OR4E2: variants seen among roughly 807,000 people sequenced by gnomAD.
OR4E2 encodes olfactory receptor family 4 subfamily E member 2.
Under a neutral mutation model 11.0 loss-of-function variants are expected in OR4E2, and 9 were observed. The observed-to-expected ratio is 0.82, with a 90% CI of 0.49 to 1.43. The LOEUF is 1.43. OR4E2 is among the 40% of genes most tolerant of loss of function. The probability of loss-of-function intolerance (pLI) is 0.00; values close to 1 mark genes in which losing one functional copy is unlikely to be tolerated. For synonymous variants in OR4E2, 159 were observed against 147.3 expected, an observed-to-expected ratio of 1.08 and a Z score of -0.57; for missense variants, 441 against 382.0, an observed-to-expected ratio of 1.15 and a Z score of -1.29.
intron 3 of OR4E2, among the ~76,000 whole-genome samples, chr14:21,662,118 G>T (rs1880360447): frequency 7.5e-6 from 1 of 132,648 alleles, no homozygotes; most frequent in African/African-American, 2.9e-5. Context: ...GTCATTTGAA[G>T]TTCTTTTTCT....
intron 1 of OR4E2, among the ~76,000 whole-genome samples, chr14:21,656,234 C>T (rs534907240): frequency 1.3e-5 from 2 of 150,940 alleles, no homozygotes; most frequent in African/African-American, 4.9e-5. Flanking sequence ...TTGGTGTGTG[C>T]CTGTAGTCCC....
At chr14:21,661,619 C>T (rs1221385313) in intron 3 of OR4E2, among the ~76,000 whole-genome samples, 1 of 152,202 alleles carries the variant, frequency 6.6e-6, no homozygotes, top group Non-Finnish European at 1.5e-5. Flanking sequence ...GCCTGGGTAT[C>T]AAAATTTATA....
At chr14:21,657,270 G>T (rs12878444) in intron 2 of OR4E2, among the ~76,000 whole-genome samples, 12,844 of 151,804 alleles carry the variant, frequency 0.085, 690 homozygotes, top group Middle Eastern at 0.13. Context: ...TCTTACCCTG[G>T]GTCACTCTTT....
chr14:21,659,086 C>A (rs1295438364), intron 2 of OR4E2, among the ~76,000 whole-genome samples: 4 of 151,850 alleles, frequency 2.6e-5, no homozygotes, highest in African/African-American at 9.7e-5. Context: ...CCCAGGCTGG[C>A]TTGCAGTGGC....
chr14:21,665,530 T>C lies in OR4E2; in HGVS notation c.448T>C (p.Leu150=), dbSNP rs577615750. ...TATACAGCTTGTCTTTGCTCTCTGG[T>C]TGGGGGGTACTGTTCACTCACTAGG... The part of the protein sequence containing the change: ...VCIQLVFALW[L]GGTVHSLGQT... The change falls in exon 4 of 4, where the codon TTG becomes CTG. Residue 150 remains leucine (L), a synonymous_variant. Coordinates refer to ENST00000641524, the MANE Select transcript of OR4E2 (RefSeq NM_001001912.3). The C allele has an allele frequency of 1.1e-5, 17 of 1,614,116 alleles. No homozygotes were observed. The highest frequency in any genetic ancestry group is 1.7e-5 in the Admixed American group (1 of 60,004).
At chr14:21,656,717 G>A (rs1413508974) in intron 2 of OR4E2, 128 bp downstream of exon 2, 1 of 152,152 alleles carries the variant, frequency 6.6e-6, no homozygotes. Flanking sequence ...TGTGTGTTTA[G>A]AAGTTTAATA....
intron 3 of OR4E2, among the ~76,000 whole-genome samples, chr14:21,664,672 T>A (rs1489208893): frequency 2.6e-5 from 4 of 152,196 alleles, no homozygotes; most frequent in African/African-American, 9.6e-5. Context: ...TTGCAGGCTT[T>A]GAATGTATAT....
At position 21,667,539 on chromosome 14, in the gene OR4E2, C is replaced by T. The variant is rs1433821004; in HGVS notation, c.*1515C>T. ...AAAATGGTCAGTCCCCTATAATTCT[C>T]ATATAAAACTTGAGTCATAGTAAGA... On this transcript the variant is annotated 3_prime_UTR_variant, in exon 4 of 4. Coordinates refer to ENST00000641524, the MANE Select transcript of OR4E2 (RefSeq NM_001001912.3). 6.6e-6 allele frequency: 1 copy of T among 152,104 alleles called. No individual in the cohort carries two copies. The highest frequency in any genetic ancestry group is 1.5e-5 in the Non-Finnish European group (1 of 68,020). The allele number at this position is 152,104 out of a possible 1,614,324, so 9.4% of individuals were successfully genotyped here.
In OR4E2 at chr14:21,666,958, C is replaced by A. The variant is rs370160159; in HGVS notation, c.*934C>A. On this transcript the variant is annotated 3_prime_UTR_variant, in exon 4 of 4. Coordinates refer to ENST00000641524, the MANE Select transcript of OR4E2 (RefSeq NM_001001912.3). The stretch of plus-strand genomic sequence containing the variant: ...CCTGCCCCTCTCAGCTAATCATTAA[C>A]TACTATCACTCATTGGGCTGAAGTA... The A allele has an allele frequency of 6.6e-6, 1 of 152,088 alleles. No individual in the cohort carries two copies. Among genetic ancestry groups the A allele is most frequent in the Non-Finnish European group, 1.5e-5 (1 of 68,014 alleles). 9.4% of individuals were successfully genotyped at this position (152,088 alleles called of 1,614,324 possible).
intron 3 of OR4E2, among the ~76,000 whole-genome samples, chr14:21,661,227 T>A (rs187964387): frequency 6.6e-6 from 1 of 152,304 alleles, no homozygotes; most frequent in Admixed American, 6.5e-5. Context: ...TCAACAACTA[T>A]CTTGTGTCCT....
rs1235442128 is a variant in OR4E2 at position 21,666,812 on chromosome 14, C to G, written c.*788C>G. The G allele has an allele frequency of 2.0e-5, 3 of 151,910 alleles. No homozygotes were observed. Among genetic ancestry groups the G allele is most frequent in the Non-Finnish European group, 2.9e-5 (2 of 67,996 alleles). 9.4% of individuals were successfully genotyped at this position (151,910 alleles called of 1,614,324 possible). On this transcript the variant is annotated 3_prime_UTR_variant, in exon 4 of 4. Coordinates refer to ENST00000641524, the MANE Select transcript of OR4E2 (RefSeq NM_001001912.3). ...GTTTAAGTGATTCTCCTGCCTCAGC[C>G]TCCTGAATAGCTGGGACTATAGGTG...
intron 2 of OR4E2, among the ~76,000 whole-genome samples, chr14:21,659,131 G>A (rs771097477): frequency 2.0e-5 from 3 of 151,996 alleles, no homozygotes; most frequent in Admixed American, 2.0e-4. Context: ...AAACTCCTGA[G>A]CTTAAATGTT....
chr14:21,658,569 A>G (rs555169371), intron 2 of OR4E2, among the ~76,000 whole-genome samples: 6 of 152,154 alleles, frequency 3.9e-5, no homozygotes, highest in African/African-American at 7.2e-5. Context: ...AGAGGCAGAG[A>G]AAGATAGGGT....
Position 21,656,176 on chromosome 14 carries a change from A to C in OR4E2, c.-190-326A>C, listed in dbSNP as rs1285284909. Among the ~76,000 whole-genome samples the C allele has an allele frequency of 1.9e-3, 277 of 144,862 alleles. 1 individual carries two copies. Among genetic ancestry groups the C allele is most frequent in the Middle Eastern group, 0.014 (4 of 278 alleles). ...AGAAACACAACAAAACAAACAACCA[A>C]AAAAAAAAAAGCAATGAACAAAAAA... On this transcript the variant is annotated intron_variant, in intron 1 of 3. Transcript: ENST00000641524.
chr14:21,662,645 C>A (rs1880396358), intron 3 of OR4E2, among the ~76,000 whole-genome samples: 1 of 152,072 alleles, frequency 6.6e-6, no homozygotes, highest in Non-Finnish European at 1.5e-5. Context: ...CACGCTTTAT[C>A]TCATTTTTAT....
chr14:21,654,613 A>G (rs1879840320), intron 1 of OR4E2, among the ~76,000 whole-genome samples: 1 of 152,096 alleles, frequency 6.6e-6, no homozygotes, highest in African/African-American at 2.4e-5. Context: ...CTCCATATAC[A>G]TGGGTTTTGC....
chr14:21,657,489 TTCCTTCC>T (rs1880061352), intron 2 of OR4E2, among the ~76,000 whole-genome samples: 4 of 119,886 alleles, frequency 3.3e-5, no homozygotes, highest in African/African-American at 9.3e-5. Flanking sequence ...CCTTCCTTCC[TTCCTTCC>T]TTCCTTCCTT....
intron 1 of OR4E2, among the ~76,000 whole-genome samples, chr14:21,654,385 C>A (rs1464334949): frequency 1.1e-4 from 17 of 149,954 alleles, no homozygotes; most frequent in Admixed American, 1.1e-3. Context: ...CACACGCATG[C>A]ACACACACAC....
chr14:21,662,260 T>C (rs1024649045), intron 3 of OR4E2, among the ~76,000 whole-genome samples: 1 of 151,130 alleles, frequency 6.6e-6, no homozygotes, highest in Non-Finnish European at 1.5e-5. Context: ...CACGTCTACC[T>C]TTTTTTTGAT....
Sources: gnomAD v4.1 joint callset for allele counts (sites outside exome capture counted in the v4.1 genomes callset) on GRCh38, gnomAD v4.1.1 for gene constraint, MANE v1.5 for transcripts, NCBI Gene and HGNC (gene_info 2026-07-23, HGNC 2026-07-21) for gene names.